The following GTF2A1L variants were observed in gnomAD, a reference collection of about 807,000 sequenced individuals.
The protein encoded by GTF2A1L is TFIIA-alpha and beta-like factor.
GTF2A1L carries 48 observed loss-of-function variants against 49.7 expected under a neutral mutation model. The ratio of observed to expected loss-of-function variants is 0.97; its 90% CI spans 0.77 to 1.23. GTF2A1L has a LOEUF of 1.23. Among genes scored for constraint, GTF2A1L ranks in the 50% most tolerant of loss-of-function variants. GTF2A1L has a pLI of 0.00. For synonymous variants in GTF2A1L, 246 were observed against 193.5 expected (o/e 1.27, Z -2.25); for missense variants, 736 against 564.8 (o/e 1.30, Z -3.07).
chr2:48,627,640 C>G (rs1040875831), intron 3 of GTF2A1L, among the ~76,000 whole-genome samples: 1 of 144,070 alleles, frequency 6.9e-6, no homozygotes, highest in Non-Finnish European at 1.6e-5. Context: ...GCCAGATACC[C>G]AGTTTGAATA....
At chr2:48,645,140 T>A (rs775532453) in intron 5 of GTF2A1L, 23 bp downstream of exon 5, 62 of 1,575,578 alleles carry the variant, frequency 3.9e-5, no homozygotes, top group Non-Finnish European at 4.9e-5. Context: ...TCTAAGAATC[T>A]TTTTGTTTTC....
At chr2:48,656,680 CA>C (rs1439013380) in intron 6 of GTF2A1L, among the ~76,000 whole-genome samples, 1 of 152,024 alleles carries the variant, frequency 6.6e-6, no homozygotes, top group Non-Finnish European at 1.5e-5. Flanking sequence ...CTTTTGAGCA[CA>C]AAAGGTTTTG....
chr2:48,677,544 G>C (rs1232550945), intron 8 of GTF2A1L, among the ~76,000 whole-genome samples: 1 of 151,922 alleles, frequency 6.6e-6, no homozygotes, highest in Non-Finnish European at 1.5e-5. Context: ...TCCATTGTAA[G>C]GACTTTAGTT....
At chr2:48,648,832 A>G (rs911835238) in intron 6 of GTF2A1L, among the ~76,000 whole-genome samples, 2 of 152,150 alleles carry the variant, frequency 1.3e-5, no homozygotes, top group African/African-American at 4.8e-5. Flanking sequence ...CAAACGTACA[A>G]GAGTATATGT....
chr2:48,662,592 AG>A (rs1438221189), intron 6 of GTF2A1L, among the ~76,000 whole-genome samples: 4 of 151,994 alleles, frequency 2.6e-5, no homozygotes, highest in Non-Finnish European at 2.9e-5. Context: ...AGAGACTGGA[AG>A]GAATTCCCTC....
At chr2:48,668,206 G>T (rs543634131) in intron 6 of GTF2A1L, among the ~76,000 whole-genome samples, 1 of 152,172 alleles carries the variant, frequency 6.6e-6, no homozygotes, top group South Asian at 2.1e-4. Context: ...GATTGTAAAG[G>T]ATGGAAAGTC....
At chr2:48,659,488 T>G (rs1342832461) in intron 6 of GTF2A1L, among the ~76,000 whole-genome samples, 1 of 152,132 alleles carries the variant, frequency 6.6e-6, no homozygotes, top group Non-Finnish European at 1.5e-5. Flanking sequence ...TTTGGATAGA[T>G]TTTTTTCTTT....
At chr2:48,623,443 C>T (rs916237105) in intron 3 of GTF2A1L, among the ~76,000 whole-genome samples, 5 of 152,120 alleles carry the variant, frequency 3.3e-5, no homozygotes, top group African/African-American at 1.2e-4. Flanking sequence ...GGTGAAGCTG[C>T]AGAAAAAAGG....
rs557438811 is a variant in GTF2A1L at position 48,669,737 on chromosome 2, G to A, written c.994G>A (p.Val332Met). The A allele has an allele frequency of 6.2e-7, 1 of 1,607,600 alleles. No individual in the cohort carries two copies. The highest frequency in any genetic ancestry group is 1.7e-5 in the Admixed American group (1 of 59,708). Residue 332 changes from valine to methionine, a missense_variant, in exon 7 of 9, where the codon GTG becomes ATG. Physicochemically the swap from Val to Met is conservative, Grantham distance 21. Coordinates refer to ENST00000403751, the MANE Select transcript of GTF2A1L (RefSeq NM_006872.5). ...CTCTTTTTAGGATTCTAATTCTCAG[G>A]TGGATTTAAGCATTCGGGTTACTGA... ...PVSEKDSNSQ[V>M]DLSIRVTDDD...
intron 3 of GTF2A1L, among the ~76,000 whole-genome samples, chr2:48,624,757 T>G (rs566903339): frequency 6.1e-5 from 1 of 16,374 alleles, no homozygotes; most frequent in African/African-American, 2.0e-4. Context: ...ATGTCTGTAT[T>G]TGTGGTTTTT....
intron 6 of GTF2A1L, among the ~76,000 whole-genome samples, chr2:48,656,394 A>G (rs558236766): frequency 7.2e-6 from 1 of 138,904 alleles, no homozygotes; most frequent in Non-Finnish European, 1.5e-5. Context: ...TGCTACCCTA[A>G]GGGGTTTGAA....
Position 48,648,448 on chromosome 2 carries a change from T to C in GTF2A1L, c.978+1406T>C, listed in dbSNP as rs556851165. Reference sequence around the variant, plus strand: ...TTATTCTACTGTTATGTATTGTATGTCATCATGTACTTTTTCTGATATGGG... The same window carrying C: ...TTATTCTACTGTTATGTATTGTATGCCATCATGTACTTTTTCTGATATGGG... On this transcript the variant is annotated intron_variant, in intron 6 of 8. Transcript: ENST00000403751. Among the ~76,000 whole-genome samples the C allele has an allele frequency of 2.0e-5, 3 of 152,188 alleles. 1 individual carries two copies. The highest frequency in any genetic ancestry group is 1.9e-4 in the East Asian group (1 of 5,188).
intron 1 of GTF2A1L, among the ~76,000 whole-genome samples, chr2:48,620,137 C>T (rs1675899583): frequency 6.6e-6 from 1 of 152,118 alleles, no homozygotes; most frequent in African/African-American, 2.4e-5. Flanking sequence ...TCTCCTTTGG[C>T]CACTTTGATA....
chr2:48,650,864 T>C (rs1270995656), intron 6 of GTF2A1L, among the ~76,000 whole-genome samples: 1 of 152,188 alleles, frequency 6.6e-6, no homozygotes, highest in African/African-American at 2.4e-5. Context: ...AAAGAAAATA[T>C]GCCCTGCCAT....
chr2:48,652,474 A>C (rs1677904456), intron 6 of GTF2A1L, among the ~76,000 whole-genome samples: 1 of 151,038 alleles, frequency 6.6e-6, no homozygotes, highest in South Asian at 2.1e-4. Flanking sequence ...AAATTAGCGG[A>C]GTGTGGTGGC....
chr2:48,643,634 A>G (rs2104182085), intron 4 of GTF2A1L, among the ~76,000 whole-genome samples: 1 of 152,162 alleles, frequency 6.6e-6, no homozygotes, highest in Admixed American at 6.6e-5. Flanking sequence ...TCACACCTGT[A>G]ATCTCAGTGC....
At chr2:48,624,351 C>T (rs1221876551) in intron 3 of GTF2A1L, among the ~76,000 whole-genome samples, 2 of 144,160 alleles carry the variant, frequency 1.4e-5, no homozygotes, top group African/African-American at 2.5e-5. Context: ...AGAAGAGTGT[C>T]ATCAATTAAT....
intron 3 of GTF2A1L, among the ~76,000 whole-genome samples, chr2:48,626,378 G>T (rs566040803): frequency 7.0e-6 from 1 of 143,248 alleles, no homozygotes; most frequent in Non-Finnish European, 1.6e-5. Context: ...TGTTCCATAT[G>T]AATTTTAGAC....
At chr2:48,668,603 G>GGGCGGATCACGAGGTC (rs967710490) in intron 6 of GTF2A1L, 2 of 151,942 alleles carry the variant, frequency 1.3e-5, no homozygotes, top group Non-Finnish European at 2.9e-5. Flanking sequence ...AGGCCGAGGC[G>GGGCGGATCACGAGGTC]GGCGGATCAC....
Sources: allele counts gnomAD v4.1 joint callset (sites outside exome capture counted in the v4.1 genomes callset), GRCh38; gene constraint gnomAD v4.1.1; transcripts MANE v1.5; gene names NCBI Gene and HGNC (gene_info 2026-07-23, HGNC 2026-07-21).